KIF6: variants seen among roughly 807,000 people sequenced by gnomAD.
KIF6 encodes the protein kinesin family member 6.
A neutral mutation model predicts 112.7 loss-of-function variants in KIF6; 106 were observed. That is an observed-to-expected ratio of 0.94 (90% CI 0.80 to 1.11). The LOEUF (loss-of-function observed/expected upper bound fraction) is 1.11, where lower values mean the gene tolerates loss of function less well. KIF6 is among the 50% of genes least tolerant of loss of function. The pLI is 0.00. For synonymous variants in KIF6, 339 were observed against 339.9 expected, an observed-to-expected ratio of 1.00 and a Z score of 0.03; for missense variants, 929 against 964.0, an observed-to-expected ratio of 0.96 and a Z score of 0.48.
chr6:39,580,538 T>C (rs939150910), intron 9 of KIF6, among the ~76,000 whole-genome samples: 4 of 152,184 alleles, frequency 2.6e-5, no homozygotes, highest in African/African-American at 9.6e-5. Flanking sequence ...ATTCCTGTCT[T>C]ATTTCTTCTA....
chr6:39,481,389 GT>G (rs1189454739), intron 13 of KIF6, among the ~76,000 whole-genome samples: 1 of 152,074 alleles, frequency 6.6e-6, no homozygotes, highest in East Asian at 1.9e-4. Context: ...AAATAAATAT[GT>G]TTTAAAGATT....
intron 19 of KIF6, among the ~76,000 whole-genome samples, chr6:39,347,009 C>T (rs1212732151): frequency 2.0e-5 from 3 of 152,304 alleles, no homozygotes; most frequent in Non-Finnish European, 2.9e-5. Context: ...GAACAACAAA[C>T]GATGGCCACA....
chr6:39,624,031 C>CG (rs1561873792), intron 5 of KIF6, among the ~76,000 whole-genome samples: 1 of 152,112 alleles, frequency 6.6e-6, no homozygotes, highest in African/African-American at 2.4e-5. Context: ...GGAGCAGAGA[C>CG]GGGGGTGTTA....
At chr6:39,517,304 T>G (rs1777140618) in intron 13 of KIF6, among the ~76,000 whole-genome samples, 1 of 152,230 alleles carries the variant, frequency 6.6e-6, no homozygotes, top group South Asian at 2.1e-4. Context: ...GTTTTACTAT[T>G]AGGCATTAGG....
chr6:39,388,739 T>TAC (rs1303852440), intron 15 of KIF6, among the ~76,000 whole-genome samples: 3 of 152,030 alleles, frequency 2.0e-5, no homozygotes, highest in Non-Finnish European at 4.4e-5. Context: ...ATTACCACGG[T>TAC]GATAAATTTG....
At chr6:39,537,028 A>C (rs1375340529) in intron 13 of KIF6, among the ~76,000 whole-genome samples, 3 of 152,242 alleles carry the variant, frequency 2.0e-5, no homozygotes, top group African/African-American at 7.2e-5. Flanking sequence ...CTTCATGCTA[A>C]AAACTCTCAA....
At chr6:39,644,260 C>G (rs895535649) in intron 3 of KIF6, among the ~76,000 whole-genome samples, 2 of 151,988 alleles carry the variant, frequency 1.3e-5, no homozygotes, top group African/African-American at 2.4e-5. Flanking sequence ...ATTTTGAGGT[C>G]TTAACAGTTC....
intron 13 of KIF6, among the ~76,000 whole-genome samples, chr6:39,454,817 T>TA: frequency 6.6e-6 from 1 of 152,060 alleles, no homozygotes; most frequent in South Asian, 2.1e-4. Context: ...CAGACCGGCT[T>TA]AAAAAACGGC....
intron 20 of KIF6, among the ~76,000 whole-genome samples, chr6:39,346,132 C>CCTCTCTCTCTCTCTCTCTCTCT (rs779814201): frequency 1.1e-3 from 30 of 26,928 alleles, no homozygotes; most frequent in African/African-American, 3.7e-3. Flanking sequence ...CCTCCCTCTC[C>CCTCTCTCTCTCTCTCTCTCTCT]CTCTCTCTCT....
chr6:39,583,437 G>T (rs1266227428), intron 9 of KIF6: 2 of 471,452 alleles, frequency 4.2e-6, no homozygotes, highest in African/African-American at 2.0e-5. Context: ...CTCACTCATT[G>T]GTTTCTGCAG....
intron 10 of KIF6, among the ~76,000 whole-genome samples, chr6:39,573,822 C>T (rs140790706): frequency 3.3e-3 from 509 of 152,298 alleles, no homozygotes; most frequent in Admixed American, 7.4e-3. Flanking sequence ...TACTTGTGCT[C>T]ATGTCTGTCA....
At chr6:39,450,400 C>T (rs1772612550) in intron 13 of KIF6, among the ~76,000 whole-genome samples, 1 of 152,218 alleles carries the variant, frequency 6.6e-6, no homozygotes, top group Non-Finnish European at 1.5e-5. Flanking sequence ...AGATGTCAAC[C>T]TCATCTATGC....
At chr6:39,367,128 T>C (rs1375931352) in intron 16 of KIF6, among the ~76,000 whole-genome samples, 1 of 152,130 alleles carries the variant, frequency 6.6e-6, no homozygotes, top group African/African-American at 2.4e-5. Flanking sequence ...GTGAAATGCA[T>C]TGCAGCCTCA....
chr6:39,387,587 TG>T (rs939457454), intron 15 of KIF6, among the ~76,000 whole-genome samples: 4 of 152,138 alleles, frequency 2.6e-5, no homozygotes, highest in Admixed American at 2.0e-4. Flanking sequence ...GAGGGGGATT[TG>T]GGGAAGTGGA....
intron 13 of KIF6, among the ~76,000 whole-genome samples, chr6:39,437,251 A>G (rs916987958): frequency 3.3e-5 from 5 of 152,192 alleles, no homozygotes; most frequent in Non-Finnish European, 7.3e-5. Flanking sequence ...CATTTATCAA[A>G]TCTAGCAATC....
chr6:39,657,316 G>A (rs1785857041), intron 3 of KIF6, among the ~76,000 whole-genome samples: 1 of 152,106 alleles, frequency 6.6e-6, no homozygotes, highest in Non-Finnish European at 1.5e-5. Flanking sequence ...CTAGGTCAGG[G>A]TAACTAGAAT....
At chr6:39,483,775 G>A (rs1774951092) in intron 13 of KIF6, among the ~76,000 whole-genome samples, 3 of 152,268 alleles carry the variant, frequency 2.0e-5, no homozygotes, top group South Asian at 4.1e-4. Context: ...AAGGGAAATG[G>A]AAGAAAGCCT....
intron 7 of KIF6, among the ~76,000 whole-genome samples, chr6:39,594,745 T>C (rs556880814): frequency 6.6e-6 from 1 of 152,336 alleles, no homozygotes; most frequent in East Asian, 1.9e-4. Context: ...TTTTTTCCCC[T>C]CTAATCTTTT....
intron 13 of KIF6, among the ~76,000 whole-genome samples, chr6:39,432,923 C>G (rs572001539): frequency 6.6e-6 from 1 of 151,532 alleles, no homozygotes; most frequent in Admixed American, 6.6e-5. Flanking sequence ...CCAAATTGCT[C>G]CCCCCCGCAG....
Sources: gnomAD v4.1 joint callset for allele counts (sites outside exome capture counted in the v4.1 genomes callset) on GRCh38, gnomAD v4.1.1 for gene constraint, MANE v1.5 for transcripts, NCBI Gene and HGNC (gene_info 2026-07-23, HGNC 2026-07-21) for gene names.